The following STK3 variants were observed in gnomAD, a reference collection of about 807,000 sequenced individuals.
The protein encoded by STK3 is serine/threonine-protein kinase 3.
A neutral mutation model predicts 58.0 loss-of-function variants in STK3; 41 were observed. That is an observed-to-expected ratio of 0.71 (90% CI 0.55 to 0.92). The LOEUF (loss-of-function observed/expected upper bound fraction) is 0.92, where lower values mean the gene tolerates loss of function less well. Among genes scored for constraint, STK3 ranks in the 40% least tolerant of loss-of-function variants. STK3 has a pLI of 0.00. For missense variants in STK3, 479 were observed against 602.7 expected, an observed-to-expected ratio of 0.79 and a Z score of 2.15; for synonymous variants, 170 against 191.0, an observed-to-expected ratio of 0.89 and a Z score of 0.91.
rs560934469 is a variant in STK3 at position 98,871,409 on chromosome 8, G to A, written c.110+12238C>T. Reference sequence around the variant, plus strand: ...TCATTGGTAGCTTGATGGGGATGGCGTTGAATCTATAAATTTCCTTGGGCA... The same window carrying A: ...TCATTGGTAGCTTGATGGGGATGGCATTGAATCTATAAATTTCCTTGGGCA... On this transcript the variant is annotated intron_variant, in intron 3 of 12. Coordinates refer to the STK3 transcript ENST00000523601. Among the ~76,000 whole-genome samples the A allele has an allele frequency of 6.6e-4, 101 of 152,164 alleles. 2 individuals carry two copies. Among genetic ancestry groups the A allele is most frequent in the East Asian group, 3.1e-3 (16 of 5,180 alleles).
At chr8:98,574,829 T>C (rs1027749915) in intron 8 of STK3, among the ~76,000 whole-genome samples, 2 of 152,042 alleles carry the variant, frequency 1.3e-5, no homozygotes, top group African/African-American at 4.8e-5. Context: ...AAAGGAGCCA[T>C]GAAAAACTAT....
At chr8:98,484,645 T>C (rs1359178622) in intron 10 of STK3, among the ~76,000 whole-genome samples, 2 of 151,734 alleles carry the variant, frequency 1.3e-5, no homozygotes, top group Non-Finnish European at 2.9e-5. Context: ...CAGGTACCTT[T>C]GGGGAAGAAA....
chr8:98,742,708 C>T (rs1247348790), intron 4 of STK3, among the ~76,000 whole-genome samples: 38 of 151,578 alleles, frequency 2.5e-4, no homozygotes, highest in Non-Finnish European at 3.1e-4. Context: ...CTATTCAACA[C>T]AGTGTTGGAA....
intron 6 of STK3, among the ~76,000 whole-genome samples, chr8:98,636,585 C>A (rs1316655398): frequency 6.6e-6 from 1 of 151,988 alleles, no homozygotes; most frequent in Non-Finnish European, 1.5e-5. Context: ...ACAAAAAGTA[C>A]AAGGCACTCC....
chr8:98,859,248 A>G (rs1433036294), intron 3 of STK3, among the ~76,000 whole-genome samples: 1 of 152,218 alleles, frequency 6.6e-6, no homozygotes, highest in African/African-American at 2.4e-5. Context: ...TGAGGAAGCA[A>G]TTCTGGGTCA....
intron 6 of STK3, among the ~76,000 whole-genome samples, chr8:98,668,488 G>A (rs1169757005): frequency 4.6e-5 from 7 of 151,968 alleles, no homozygotes; most frequent in Admixed American, 4.6e-4. Flanking sequence ...ATATTTATTA[G>A]TTTCATCAAC....
chr8:98,344,299 GTCC>G, the STK3 span, among the ~76,000 whole-genome samples: 1 of 152,200 alleles, frequency 6.6e-6, no homozygotes, highest in Non-Finnish European at 1.5e-5. Context: ...CAATGCTGCA[GTCC>G]TCCTCACCTG....
intron 7 of STK3, among the ~76,000 whole-genome samples, chr8:98,586,307 G>T (rs1350392733): frequency 6.6e-6 from 1 of 152,122 alleles, no homozygotes; most frequent in African/African-American, 2.4e-5. Flanking sequence ...TTAGCATGAA[G>T]GGTGGTTGAA....
chr8:98,356,846 G>C, the STK3 span, among the ~76,000 whole-genome samples: 1 of 152,178 alleles, frequency 6.6e-6, no homozygotes, highest in East Asian at 1.9e-4. Context: ...AACACATCCA[G>C]AGCTGTCTGT....
In STK3 at chr8:98,598,910, T is replaced by C. The variant is rs187087034; in HGVS notation, c.685-2741A>G. 20 of 985,256 alleles carry C rather than the reference T, an allele frequency of 2.0e-5. No individual in the cohort carries two copies. In the East Asian group the frequency reaches 2.0e-3, roughly 101 times the overall value. 61.0% of individuals were successfully genotyped at this position (985,256 alleles called of 1,614,324 possible). ...TAATAACGCAAGAAATCTAGGTGCT[T>C]CAAAACAACTAATTATCTTCATGCC... On this transcript the variant is annotated intron_variant, in intron 6 of 10. Coordinates refer to ENST00000419617, the MANE Select transcript of STK3 (RefSeq NM_006281.4).
In STK3 at chr8:98,693,292, C is replaced by T. The variant is rs142706100; in HGVS notation, c.684+13175G>A. On this transcript the variant is annotated intron_variant, in intron 6 of 10. Transcript: ENST00000419617. ...TTGTGCCTGTAGTCCCAGCTACTTG[C>T]GGGGCTGAGGCGGGAGGATTGCTTG... Among the ~76,000 whole-genome samples the T allele has an allele frequency of 3.7e-3, 567 of 151,976 alleles. 3 individuals are homozygous for T. The highest frequency in any genetic ancestry group is 0.012 in the African/African-American group (514 of 41,458).
At chr8:98,631,873 C>T (rs1006656152) in intron 6 of STK3, among the ~76,000 whole-genome samples, 1 of 152,238 alleles carries the variant, frequency 6.6e-6, no homozygotes, top group African/African-American at 2.4e-5. Context: ...CTATGTTGGT[C>T]AGGCTGGTCT....
At chr8:98,742,308 T>C (rs1167504238) in intron 4 of STK3, among the ~76,000 whole-genome samples, 2 of 150,808 alleles carry the variant, frequency 1.3e-5, no homozygotes, top group Non-Finnish European at 2.9e-5. Flanking sequence ...ATATCCTTGA[T>C]GAACGTTGAT....
chr8:98,711,565 G>A (rs1305433703), intron 4 of STK3, among the ~76,000 whole-genome samples: 1 of 152,156 alleles, frequency 6.6e-6, no homozygotes, highest in Non-Finnish European at 1.5e-5. Context: ...GAAATGAAGT[G>A]AGAAGAGAAG....
intron 8 of STK3, among the ~76,000 whole-genome samples, chr8:98,551,897 C>T (rs191733297): frequency 6.6e-6 from 1 of 152,186 alleles, no homozygotes; most frequent in East Asian, 1.9e-4. Flanking sequence ...AGGACCTTTA[C>T]AGTTAGAGAG....
At chr8:98,722,835 G>A in intron 4 of STK3, 1 of 478,912 alleles carries the variant, frequency 2.1e-6, no homozygotes, top group Non-Finnish European at 4.1e-6. Flanking sequence ...ACACCAAGAG[G>A]GAGAAAACAC....
chr8:98,737,973 G>A (rs1828760619), intron 4 of STK3, among the ~76,000 whole-genome samples: 1 of 152,142 alleles, frequency 6.6e-6, no homozygotes. Flanking sequence ...GCCTCCAGAA[G>A]TGCCAGGATT....
intron 1 of STK3, among the ~76,000 whole-genome samples, chr8:98,379,452 A>C (rs1817710119): frequency 6.6e-6 from 1 of 152,196 alleles, no homozygotes. Flanking sequence ...TGTTACTTCA[A>C]ATCAGCCAAA....
In STK3 at chr8:98,433,011, A is replaced by T. The variant is rs534597464; in HGVS notation, n.483+1116T>A. Among the ~76,000 whole-genome samples the T allele has an allele frequency of 1.1e-3, 164 of 152,358 alleles. 2 individuals are homozygous for T. The highest frequency in any genetic ancestry group is 2.7e-3 in the South Asian group (13 of 4,832). The stretch of plus-strand genomic sequence containing the variant: ...CATTTCAATTACATATGCAGTAGCA[A>T]ACAAGGAGGGCATTCAAAGTTGGGG... On this transcript the variant is annotated intron_variant and non_coding_transcript_variant, in intron 3 of 3. Coordinates refer to the STK3 transcript ENST00000517832.
Sources: gnomAD v4.1 joint callset for allele counts (sites outside exome capture counted in the v4.1 genomes callset) on GRCh38, gnomAD v4.1.1 for gene constraint, MANE v1.5 for transcripts, NCBI Gene and HGNC (gene_info 2026-07-23, HGNC 2026-07-21) for gene names.